The following SP4 variants were observed in gnomAD, a reference collection of about 807,000 sequenced individuals.
SP4 encodes transcription factor Sp4.
SP4 carries 19 observed loss-of-function variants against 72.8 expected under a neutral mutation model. The ratio of observed to expected loss-of-function variants is 0.26; its 90% CI spans 0.18 to 0.38. SP4 has a LOEUF of 0.38. SP4 is among the 10% of genes least tolerant of loss of function. The pLI, the probability that SP4 is intolerant of heterozygous loss-of-function variation, is 1.00. For missense variants in SP4, 1,008 were observed against 926.3 expected, an observed-to-expected ratio of 1.09 and a Z score of -1.14; for synonymous variants, 395 against 333.1, an observed-to-expected ratio of 1.19 and a Z score of -2.02.
chr7:21,429,798 T>C lies in SP4; in HGVS notation c.633T>C (p.Ala211=), dbSNP rs775991054. 13 of 1,614,196 alleles carry C rather than the reference T, an allele frequency of 8.1e-6. No individual in the cohort carries two copies. Among genetic ancestry groups the C allele is most frequent in the Non-Finnish European group, 1.1e-5 (13 of 1,180,024 alleles). The part of the protein sequence containing the change: ...AGNNQAILTA[A]NRTASGNILA... Reference sequence around the variant, plus strand: ...ATAATCAAGCTATACTCACAGCTGCTAACAGGACAGCTTCTGGGAATATTC... The same window carrying C: ...ATAATCAAGCTATACTCACAGCTGCCAACAGGACAGCTTCTGGGAATATTC... The change falls in exon 3 of 6, where the codon GCT becomes GCC. Residue 211 remains alanine (A), a synonymous_variant. Transcript: ENST00000222584.
At chr7:21,506,750 C>G (rs547508980) in intron 5 of SP4, among the ~76,000 whole-genome samples, 63 of 152,308 alleles carry the variant, frequency 4.1e-4, no homozygotes, top group Non-Finnish European at 7.4e-4. Context: ...CTTCAAAAGG[C>G]ATTGCCCTAC....
chr7:21,482,707 T>C, intron 5 of SP4: 1 of 979,138 alleles, frequency 1.0e-6, no homozygotes, highest in Non-Finnish European at 1.2e-6. Flanking sequence ...CGTACACTTT[T>C]AATACTCTGA....
chr7:21,466,891 A>G (rs1207323501), intron 3 of SP4, among the ~76,000 whole-genome samples: 2 of 152,080 alleles, frequency 1.3e-5, no homozygotes, highest in African/African-American at 2.4e-5. Context: ...TCTCTTTTCA[A>G]AGGCTTTAAT....
At chr7:21,434,321 A>G (rs1446905310) in intron 3 of SP4, among the ~76,000 whole-genome samples, 1 of 152,212 alleles carries the variant, frequency 6.6e-6, no homozygotes, top group Non-Finnish European at 1.5e-5. Flanking sequence ...CATGAACAGA[A>G]AAAAGTAAAA....
intron 3 of SP4, among the ~76,000 whole-genome samples, chr7:21,458,266 C>T (rs1783838132): frequency 6.6e-6 from 1 of 152,132 alleles, no homozygotes; most frequent in Non-Finnish European, 1.5e-5. Context: ...AGTCTTGGCT[C>T]ACTGCAAACT....
chr7:21,496,146 T>C (rs1374687053), intron 5 of SP4, among the ~76,000 whole-genome samples: 1 of 152,186 alleles, frequency 6.6e-6, no homozygotes, highest in Non-Finnish European at 1.5e-5. Flanking sequence ...TTTTTGGAAG[T>C]GATAGCAACT....
At chr7:21,441,971 A>G (rs1783258645) in intron 3 of SP4, among the ~76,000 whole-genome samples, 1 of 147,680 alleles carries the variant, frequency 6.8e-6, no homozygotes, top group Non-Finnish European at 1.5e-5. Flanking sequence ...TGCTTTTTAC[A>G]TTTTATTTTT....
rs576414142 is a variant in SP4 at position 21,428,139 on chromosome 7, C to G, written c.-113C>G. The G allele has an allele frequency of 8.3e-6, 6 of 723,186 alleles. No individual in the cohort carries two copies. In the East Asian group the frequency reaches 1.3e-4, roughly 16 times the overall value. The allele number at this position is 723,186 out of a possible 1,614,324, so 44.8% of individuals were successfully genotyped here. A position where few individuals can be genotyped will look rare whatever the true frequency, so the allele number is the denominator to read the frequency against. On this transcript the variant is annotated 5_prime_UTR_variant, in exon 1 of 6. Coordinates refer to ENST00000222584, the MANE Select transcript of SP4 (RefSeq NM_003112.5). ...AGGCAGAGCCTGTGCCAGCTACAGC[C>G]TCCTCCGAGCCACCGCGGGCGGGCG... is the stretch of plus-strand genomic sequence containing the variant.
intron 5 of SP4, among the ~76,000 whole-genome samples, chr7:21,506,553 CT>C (rs1450452435): frequency 6.6e-6 from 1 of 152,114 alleles, no homozygotes. Flanking sequence ...TGATGTAAGT[CT>C]TTTCTGACTA....
chr7:21,490,652 G>C (rs879828933), intron 5 of SP4, among the ~76,000 whole-genome samples: 2 of 152,208 alleles, frequency 1.3e-5, no homozygotes, highest in African/African-American at 4.8e-5. Context: ...CGATATAAAA[G>C]ATGCTTCCTA....
At chr7:21,460,316 C>G (rs931075671) in intron 3 of SP4, among the ~76,000 whole-genome samples, 7 of 152,050 alleles carry the variant, frequency 4.6e-5, no homozygotes, top group African/African-American at 1.7e-4. Context: ...GTCTTACTGG[C>G]TCAGGATTGA....
rs1350016636 is a variant in SP4 at position 21,430,425 on chromosome 7, T to TCCA, written c.1265_1267dup (p.Pro422dup). On this transcript the variant is annotated inframe_insertion, in exon 3 of 6. Transcript: ENST00000222584. The stretch of plus-strand genomic sequence containing the variant: ...CTCAGCAACAGATCATTCAGGCTAT[T>TCCA]CCACCACAGTCGTTTCAACTCCAGT... 2.5e-5 allele frequency: 40 copies of TCCA among 1,614,074 alleles called. 1 individual carries two copies. In the Middle Eastern group the frequency reaches 3.9e-3, roughly 159 times the overall value.
At chr7:21,446,744 A>T (rs953808630) in intron 3 of SP4, among the ~76,000 whole-genome samples, 5 of 152,166 alleles carry the variant, frequency 3.3e-5, no homozygotes, top group Non-Finnish European at 7.3e-5. Context: ...TAATATTGCT[A>T]GTTTTAAAAT....
chr7:21,482,226 G>T (rs964578390), intron 5 of SP4, 103 bp downstream of exon 5: 3 of 848,854 alleles, frequency 3.5e-6, no homozygotes, highest in Non-Finnish European at 5.7e-6. Flanking sequence ...GCAAATGAAG[G>T]AGAAGGCATT....
At position 21,428,240 on chromosome 7, in the gene SP4, T is replaced by A; in HGVS notation, c.-12T>A. 2.3e-6 allele frequency: 3 copies of A among 1,282,346 alleles called. No homozygotes were observed. Among genetic ancestry groups the A allele is most frequent in the Non-Finnish European group, 2.1e-6 (2 of 970,078 alleles). 79.4% of individuals were successfully genotyped at this position (1,282,346 alleles called of 1,614,324 possible). A position where few individuals can be genotyped will look rare whatever the true frequency, so the allele number is the denominator to read the frequency against. ...AGTGTCTCCGTCTGAGGGTTTGTCC[T>A]GTTAATGCGGGATGAGCGGTACGTA... is the stretch of plus-strand genomic sequence containing the variant. On this transcript the variant is annotated 5_prime_UTR_variant, in exon 1 of 6. Coordinates refer to ENST00000222584, the MANE Select transcript of SP4 (RefSeq NM_003112.5).
intron 5 of SP4, among the ~76,000 whole-genome samples, chr7:21,504,851 G>C (rs899563443): frequency 3.3e-5 from 5 of 152,192 alleles, no homozygotes; most frequent in African/African-American, 1.2e-4. Flanking sequence ...TGGCAGCACT[G>C]CTTGCACGTA....
intron 3 of SP4, among the ~76,000 whole-genome samples, chr7:21,474,271 C>A (rs1784429344): frequency 6.6e-6 from 1 of 152,010 alleles, no homozygotes; most frequent in Admixed American, 6.6e-5. Flanking sequence ...AAAGTAATGA[C>A]TGTTATATAA....
chr7:21,437,027 A>G (rs1783073056), intron 3 of SP4, among the ~76,000 whole-genome samples: 2 of 152,162 alleles, frequency 1.3e-5, no homozygotes, highest in Admixed American at 1.3e-4. Context: ...ATAAAAATGG[A>G]TGTTATCCTA....
chr7:21,504,783 C>T (rs1003419147), intron 5 of SP4, among the ~76,000 whole-genome samples: 1 of 152,168 alleles, frequency 6.6e-6, no homozygotes, highest in African/African-American at 2.4e-5. Flanking sequence ...TGGTGTGGAG[C>T]GCTTACTATT....
Sources: gnomAD v4.1 joint callset for allele counts (sites outside exome capture counted in the v4.1 genomes callset) on GRCh38, gnomAD v4.1.1 for gene constraint, MANE v1.5 for transcripts, NCBI Gene and HGNC (gene_info 2026-07-23, HGNC 2026-07-21) for gene names.